The following PCLAF variants were observed in gnomAD, a reference collection of about 807,000 sequenced individuals.
PCLAF encodes the protein PCNA clamp associated factor.
A neutral mutation model predicts 15.1 loss-of-function variants in PCLAF; 12 were observed. The observed-to-expected ratio is 0.79, with a 90% CI of 0.51 to 1.29. PCLAF has a LOEUF of 1.29. Ranked by LOEUF, PCLAF falls within the 50% of genes most tolerant of loss-of-function variation. PCLAF has a pLI of 0.00. For synonymous variants in PCLAF, 33 were observed against 47.1 expected, an observed-to-expected ratio of 0.70 and a Z score of 1.22; for missense variants, 116 against 130.9, an observed-to-expected ratio of 0.89 and a Z score of 0.56.
chr15:64,381,288 A>ACC (rs141142230), intron 1 of PCLAF, 38 bp downstream of exon 1: 2 of 1,602,782 alleles, frequency 1.2e-6, no homozygotes, highest in African/African-American at 2.7e-5. Flanking sequence ...TGCCGGGAGG[A>ACC]CCCCCCCGCC....
intron 3 of PCLAF, among the ~76,000 whole-genome samples, chr15:64,370,827 T>TCG (rs1899265486): frequency 1.4e-5 from 1 of 70,534 alleles, no homozygotes; most frequent in Admixed American, 2.4e-4. Flanking sequence ...ACTCATAAAG[T>TCG]TGTTTTTTTT....
chr15:64,381,258 TCTGTCGCCCGTGGC>T, intron 1 of PCLAF, 54 bp downstream of exon 1: 2 of 1,572,436 alleles, frequency 1.3e-6, no homozygotes, highest in Non-Finnish European at 1.8e-6. Context: ...ACCTCTGGCG[TCTGTCGCCCGTGGC>T]CAGGCTGCCG....
chr15:64,379,212 C>T (rs956419879), intron 2 of PCLAF, among the ~76,000 whole-genome samples: 6 of 151,972 alleles, frequency 3.9e-5, no homozygotes, highest in East Asian at 1.9e-4. Flanking sequence ...CGTGGTGGCT[C>T]ACGTCTGTAA....
At chr15:64,386,075 G>A (rs969475833), upstream of PCLAF, among the ~76,000 whole-genome samples, 1 of 151,968 alleles carries the variant, frequency 6.6e-6, no homozygotes. Flanking sequence ...TATCCTATTG[G>A]TTCTGTCTCT....
upstream of PCLAF, chr15:64,381,489 G>A: frequency 4.4e-6 from 7 of 1,589,676 alleles, no homozygotes; most frequent in Non-Finnish European, 6.0e-6. Context: ...TTTCCCGCGC[G>A]CTCCAAGGTC....
intron 3 of PCLAF, among the ~76,000 whole-genome samples, chr15:64,372,301 A>T (rs1383998206): frequency 6.6e-6 from 1 of 152,154 alleles, no homozygotes; most frequent in Non-Finnish European, 1.5e-5. Context: ...GCTCTGGCAC[A>T]CTTCAATTAC....
At chr15:64,380,680 A>C (rs1899783992) in intron 2 of PCLAF, among the ~76,000 whole-genome samples, 1 of 152,130 alleles carries the variant, frequency 6.6e-6, no homozygotes, top group African/African-American at 2.4e-5. Flanking sequence ...CTCCAACCTG[A>C]GCAACAAAGA....
chr15:64,383,493 C>T (rs1276981012), upstream of PCLAF, among the ~76,000 whole-genome samples: 3 of 151,720 alleles, frequency 2.0e-5, no homozygotes, highest in South Asian at 4.2e-4. Context: ...CAGCCTCCCA[C>T]GTAGCTGGGA....
At position 64,366,019 on chromosome 15, in the gene PCLAF, A is replaced by T. The variant is rs1899014424; in HGVS notation, c.*11T>A. The T allele has an allele frequency of 1.2e-6, 2 of 1,601,076 alleles. No individual in the cohort carries two copies. Among genetic ancestry groups the T allele is most frequent in the Admixed American group, 3.4e-5 (2 of 59,412 alleles). Reference sequence around the variant, plus strand: ...ACAAGGAGACGTTATTCAAAGATGAATGAGAAAGTTCTATTCTTTTTCATC... The same window carrying T: ...ACAAGGAGACGTTATTCAAAGATGATTGAGAAAGTTCTATTCTTTTTCATC... On this transcript the variant is annotated 3_prime_UTR_variant, in exon 4 of 4. Coordinates refer to ENST00000300035, the MANE Select transcript of PCLAF (RefSeq NM_014736.6).
intron 1 of PCLAF, among the ~76,000 whole-genome samples, chr15:64,387,289 G>A (rs1899965836): frequency 6.6e-6 from 1 of 152,070 alleles, no homozygotes; most frequent in African/African-American, 2.4e-5. Flanking sequence ...GGCTGAGGCA[G>A]GAGAATGGCA....
At chr15:64,377,531 AT>A (rs1239690825) in intron 2 of PCLAF, among the ~76,000 whole-genome samples, 2 of 97,498 alleles carry the variant, frequency 2.1e-5, no homozygotes, top group African/African-American at 7.6e-5. Context: ...ATATATATAT[AT>A]ATATATTCTT....
chr15:64,381,733 A>G (rs1381942331), upstream of PCLAF, among the ~76,000 whole-genome samples: 3 of 152,260 alleles, frequency 2.0e-5, no homozygotes, highest in African/African-American at 7.2e-5. Flanking sequence ...AAGAAAACCT[A>G]GCAAAGACAG....
At chr15:64,386,470 G>A (rs1899939553) in intron 1 of PCLAF, among the ~76,000 whole-genome samples, 1 of 152,218 alleles carries the variant, frequency 6.6e-6, no homozygotes, top group East Asian at 1.9e-4. Flanking sequence ...ACAGGCATGT[G>A]CCACCATGCC....
chr15:64,383,981 T>C (rs545078655), upstream of PCLAF, among the ~76,000 whole-genome samples: 2 of 152,126 alleles, frequency 1.3e-5, no homozygotes, highest in South Asian at 2.1e-4. Context: ...AAGTTCTTCA[T>C]TGAAATGTTT....
At chr15:64,373,802 A>C (rs771878317) in intron 3 of PCLAF, 1 of 1,531,864 alleles carries the variant, frequency 6.5e-7, no homozygotes, top group Non-Finnish European at 8.7e-7. Flanking sequence ...TCTTATATTC[A>C]AGGGGCATCA....
At chr15:64,380,433 T>C (rs1257175040) in intron 2 of PCLAF, among the ~76,000 whole-genome samples, 1 of 151,718 alleles carries the variant, frequency 6.6e-6, no homozygotes, top group African/African-American at 2.4e-5. Flanking sequence ...AAAACAAAAA[T>C]TGATAGGCTG....
At chr15:64,381,557 T>A, upstream of PCLAF, 1 of 1,449,290 alleles carries the variant, frequency 6.9e-7, no homozygotes, top group Non-Finnish European at 9.1e-7. Flanking sequence ...CAATTGCCAA[T>A]GCCCAGTGGT....
rs1463298635 is a variant in PCLAF at position 64,364,483 on chromosome 15, T to C, written c.*1547A>G. On this transcript the variant is annotated 3_prime_UTR_variant, in exon 4 of 4. Transcript: ENST00000300035. ...AAAATGTCATAGTAGCTCTTAGGAGTTTTGCCATGCCTATGGGTTTATGGC... is the reference window on the plus strand; with the variant it reads ...AAAATGTCATAGTAGCTCTTAGGAGCTTTGCCATGCCTATGGGTTTATGGC... 1 of 152,082 alleles carries C rather than the reference T, an allele frequency of 6.6e-6. No individual in the cohort carries two copies. Among genetic ancestry groups the C allele is most frequent in the African/African-American group, 2.4e-5 (1 of 41,416 alleles). The allele number at this position is 152,082 out of a possible 1,614,324, so 9.4% of individuals were successfully genotyped here.
chr15:64,368,019 G>T (rs1899118415), intron 3 of PCLAF, among the ~76,000 whole-genome samples: 1 of 151,950 alleles, frequency 6.6e-6, no homozygotes, highest in Non-Finnish European at 1.5e-5. Flanking sequence ...AAAGAAGGAA[G>T]TGAAAATGAA....
Sources: gnomAD v4.1 joint callset for allele counts (sites outside exome capture counted in the v4.1 genomes callset) on GRCh38, gnomAD v4.1.1 for gene constraint, MANE v1.5 for transcripts, NCBI Gene and HGNC (gene_info 2026-07-23, HGNC 2026-07-21) for gene names.